GPHN: variants seen among roughly 807,000 people sequenced by gnomAD.
GPHN encodes the protein gephyrin.
GPHN carries 17 observed loss-of-function variants against 95.5 expected under a neutral mutation model. That is an observed-to-expected ratio of 0.18 (90% confidence interval 0.12 to 0.27). GPHN has a LOEUF of 0.27. GPHN is among the 10% of genes least tolerant of loss of function. The probability of loss-of-function intolerance (pLI) is 1.00; values close to 1 mark genes in which losing one functional copy is unlikely to be tolerated. For synonymous variants in GPHN, 320 were observed against 322.5 expected (o/e 0.99, Z 0.08); for missense variants, 660 against 978.1 (o/e 0.67, Z 4.34).
chr14:67,553,195 A>G, the GPHN span, among the ~76,000 whole-genome samples: 6 of 152,216 alleles, frequency 3.9e-5, no homozygotes, highest in East Asian at 1.2e-3. Flanking sequence ...ATCATTTCTA[A>G]TGGAAAGCCT....
At chr14:66,893,526 G>A (rs1285502924) in intron 5 of GPHN, among the ~76,000 whole-genome samples, 1 of 152,200 alleles carries the variant, frequency 6.6e-6, no homozygotes, top group African/African-American at 2.4e-5. Flanking sequence ...AATCAGGCAA[G>A]AGAAAGAAAT....
chr14:66,750,652 T>G (rs2058331166), intron 2 of GPHN, among the ~76,000 whole-genome samples: 2 of 151,980 alleles, frequency 1.3e-5, no homozygotes, highest in South Asian at 4.1e-4. Flanking sequence ...AAATTAAAGC[T>G]TACCAATGTT....
chr14:66,868,119 A>T (rs938674931), intron 4 of GPHN, among the ~76,000 whole-genome samples: 3 of 152,156 alleles, frequency 2.0e-5, no homozygotes, highest in Non-Finnish European at 4.4e-5. Context: ...AGTTATTATT[A>T]ATAGTAGTCA....
the GPHN span, among the ~76,000 whole-genome samples, chr14:67,550,455 T>C: frequency 2.0e-5 from 3 of 152,308 alleles, no homozygotes; most frequent in East Asian, 5.8e-4. Context: ...TCCCAAAGTG[T>C]TTGGATTACA....
At chr14:67,424,906 A>G in the GPHN span, among the ~76,000 whole-genome samples, 1 of 152,108 alleles carries the variant, frequency 6.6e-6, no homozygotes, top group Non-Finnish European at 1.5e-5. Flanking sequence ...AGTTTCCCTC[A>G]GTTCCTTCCT....
intron 8 of GPHN, among the ~76,000 whole-genome samples, chr14:66,934,261 A>G (rs529034219): frequency 2.6e-5 from 4 of 152,142 alleles, no homozygotes; most frequent in Non-Finnish European, 5.9e-5. Context: ...TGGTCAATGT[A>G]CTGACTGTTC....
the GPHN span, chr14:67,365,098 A>T: frequency 1.8e-5 from 16 of 894,722 alleles, no homozygotes; most frequent in African/African-American, 2.5e-4. Flanking sequence ...GCTGCAGCTT[A>T]AAAAAAAAAG....
At chr14:66,552,166 C>T (rs1405145676) in intron 1 of GPHN, among the ~76,000 whole-genome samples, 1 of 152,148 alleles carries the variant, frequency 6.6e-6, no homozygotes, top group Non-Finnish European at 1.5e-5. Context: ...AATCTGTTTA[C>T]TTTCCTGGTT....
chr14:67,354,096 T>C, the GPHN span: 2 of 152,216 alleles, frequency 1.3e-5, no homozygotes, highest in East Asian at 3.8e-4. Context: ...TAAATTTTTT[T>C]CTTTATAAAT....
At chr14:67,612,270 C>A in the GPHN span, among the ~76,000 whole-genome samples, 1 of 152,076 alleles carries the variant, frequency 6.6e-6, no homozygotes, top group East Asian at 1.9e-4. Flanking sequence ...CTCCCAGAGC[C>A]ATAGGAAGCT....
chr14:67,442,526 T>G, the GPHN span, among the ~76,000 whole-genome samples: 1 of 152,172 alleles, frequency 6.6e-6, no homozygotes, highest in East Asian at 1.9e-4. Context: ...AGAAGGTGAC[T>G]ACCAAGGAGC....
intron 1 of GPHN, among the ~76,000 whole-genome samples, chr14:66,636,187 C>G (rs954945042): frequency 1.3e-5 from 2 of 152,000 alleles, no homozygotes; most frequent in African/African-American, 4.8e-5. Context: ...AATATTGGGA[C>G]CCCTTATTGG....
At chr14:67,332,728 A>G in the GPHN span, 21 of 1,541,358 alleles carry the variant, frequency 1.4e-5, no homozygotes, top group Non-Finnish European at 1.8e-5. Context: ...CTCATCCTAT[A>G]TTATTTGGTT....
chr14:66,698,201 A>G (rs186121084), intron 2 of GPHN, among the ~76,000 whole-genome samples: 78 of 152,174 alleles, frequency 5.1e-4, no homozygotes, highest in Non-Finnish European at 1.0e-3. Flanking sequence ...GAAAAGGGAT[A>G]TGATGAATTT....
At chr14:67,349,155 T>C in the GPHN span, 3 of 1,537,164 alleles carry the variant, frequency 2.0e-6, no homozygotes, top group Non-Finnish European at 2.7e-6. Flanking sequence ...GAAATAAACC[T>C]ACAGGGACCC....
At chr14:67,281,672 C>T in the GPHN span, among the ~76,000 whole-genome samples, 22 of 152,268 alleles carry the variant, frequency 1.4e-4, no homozygotes, top group East Asian at 4.0e-3. Flanking sequence ...AAGTATCCAT[C>T]TGATAGGTAA....
the GPHN span, among the ~76,000 whole-genome samples, chr14:67,399,811 G>T: frequency 6.6e-6 from 1 of 152,240 alleles, no homozygotes; most frequent in African/African-American, 2.4e-5. Context: ...ATAGTCAGGT[G>T]AACATGGAGA....
At chr14:67,576,211 C>T in the GPHN span, among the ~76,000 whole-genome samples, 1 of 152,220 alleles carries the variant, frequency 6.6e-6, no homozygotes, top group Non-Finnish European at 1.5e-5. The surrounding 1 kb of genome is among the most constrained non-coding windows in gnomAD (Gnocchi z 4.0). Context: ...GTAATAGAAT[C>T]GCAAATTTGG....
intron 2 of GPHN, among the ~76,000 whole-genome samples, chr14:66,692,116 AAGGATT>A (rs1397008357): frequency 1.3e-5 from 2 of 152,182 alleles, no homozygotes; most frequent in Non-Finnish European, 2.9e-5. Context: ...CAAATAGGTT[AAGGATT>A]ACTAATATAT....
Sources: allele counts gnomAD v4.1 joint callset (sites outside exome capture counted in the v4.1 genomes callset), GRCh38; gene constraint gnomAD v4.1.1; non-coding constraint Gnocchi (gnomAD v3.1); transcripts MANE v1.5; gene names NCBI Gene and HGNC (gene_info 2026-07-23, HGNC 2026-07-21).